The following CDH12 variants were observed in gnomAD, a reference collection of about 807,000 sequenced individuals.
The protein encoded by CDH12 is cadherin-12.
Under a neutral mutation model 74.1 loss-of-function variants are expected in CDH12, and 41 were observed. The ratio of observed to expected loss-of-function variants is 0.55; its 90% CI spans 0.43 to 0.72. CDH12 has a LOEUF of 0.72. CDH12 is among the 30% of genes least tolerant of loss of function. CDH12 has a pLI of 0.00. For synonymous variants in CDH12, 399 were observed against 355.0 expected, an observed-to-expected ratio of 1.12 and a Z score of -1.39; for missense variants, 945 against 977.2, an observed-to-expected ratio of 0.97 and a Z score of 0.44.
intron 4 of CDH12, among the ~76,000 whole-genome samples, chr5:22,133,500 A>G (rs1296541149): frequency 6.6e-6 from 1 of 152,128 alleles, no homozygotes; most frequent in Non-Finnish European, 1.5e-5. Flanking sequence ...ACTTAGACTC[A>G]TATTTGTAAT....
chr5:22,746,087 A>G, intron 1 of CDH12, among the ~76,000 whole-genome samples: 1 of 147,546 alleles, frequency 6.8e-6, no homozygotes, highest in African/African-American at 2.7e-5. Context: ...TGTCAATTGA[A>G]AAAAATATTT....
chr5:22,385,727 A>G (rs1360484095), intron 3 of CDH12, among the ~76,000 whole-genome samples: 1 of 152,074 alleles, frequency 6.6e-6, no homozygotes, highest in African/African-American at 2.4e-5. Flanking sequence ...GGTAATTTAT[A>G]AATAAAAGAT....
chr5:22,050,828 T>A (rs1302002841), intron 5 of CDH12, among the ~76,000 whole-genome samples: 1 of 152,180 alleles, frequency 6.6e-6, no homozygotes, highest in Non-Finnish European at 1.5e-5. Flanking sequence ...AACCATGATA[T>A]CAGCAAACAT....
intron 3 of CDH12, among the ~76,000 whole-genome samples, chr5:22,279,329 G>T (rs1027527889): frequency 6.6e-6 from 1 of 151,970 alleles, no homozygotes; most frequent in Non-Finnish European, 1.5e-5. Context: ...AATTATTTGT[G>T]GTCATTTCTG....
intron 11 of CDH12, chr5:21,779,517 C>T (rs1480735818): frequency 3.9e-5 from 6 of 152,144 alleles, no homozygotes; most frequent in Non-Finnish European, 5.9e-5. Flanking sequence ...AACAGCAAAG[C>T]AGTAATGCAT....
intron 1 of CDH12, among the ~76,000 whole-genome samples, chr5:22,668,376 T>C (rs1371426690): frequency 6.6e-6 from 1 of 152,230 alleles, no homozygotes; most frequent in African/African-American, 2.4e-5. Context: ...TTCTCTTTTT[T>C]TAAATCTCTT....
intron 2 of CDH12, among the ~76,000 whole-genome samples, chr5:22,417,415 A>G (rs1464390471): frequency 6.6e-6 from 1 of 152,180 alleles, no homozygotes; most frequent in African/African-American, 2.4e-5. Flanking sequence ...GGATGATTTC[A>G]GCCTCATCCA....
At chr5:22,156,063 T>C (rs1048291951) in intron 4 of CDH12, among the ~76,000 whole-genome samples, 21 of 152,152 alleles carry the variant, frequency 1.4e-4, no homozygotes, top group Admixed American at 1.4e-3. Flanking sequence ...CTTACTGATA[T>C]ATATATATAA....
intron 4 of CDH12, among the ~76,000 whole-genome samples, chr5:22,174,506 C>A (rs1452611403): frequency 6.6e-6 from 1 of 151,884 alleles, no homozygotes; most frequent in Non-Finnish European, 1.5e-5. Flanking sequence ...AACTAAACTG[C>A]AAGCCTAGAA....
intron 3 of CDH12, among the ~76,000 whole-genome samples, chr5:22,221,365 T>C (rs1184371625): frequency 6.6e-6 from 1 of 151,920 alleles, no homozygotes; most frequent in Non-Finnish European, 1.5e-5. Context: ...TTCCCTTAGA[T>C]AATTTTGAAG....
chr5:22,627,852 C>G (rs184182303), intron 1 of CDH12, among the ~76,000 whole-genome samples: 39 of 151,938 alleles, frequency 2.6e-4, no homozygotes, highest in Admixed American at 1.2e-3. Flanking sequence ...ATCTCACATG[C>G]AATTGACACC....
intron 1 of CDH12, among the ~76,000 whole-genome samples, chr5:22,819,125 T>C (rs1749539795): frequency 6.6e-6 from 1 of 152,150 alleles, no homozygotes; most frequent in African/African-American, 2.4e-5. Context: ...CCAATAACTA[T>C]GTGGTATGTA....
rs191285233 is a variant in CDH12, at chr5:21,804,383, A to C, written c.1003-1963T>G. On this transcript the variant is annotated intron_variant, in intron 9 of 14. Transcript: ENST00000382254. ...TGTTTTGTTGAAGAAATCAGACTCA[A>C]GAAAAGACAACTTATTGCAAGACTA... Among the ~76,000 whole-genome samples the C allele has an allele frequency of 2.7e-3, 411 of 152,270 alleles. 2 individuals are homozygous for C. The highest frequency in any genetic ancestry group is 9.1e-3 in the African/African-American group (377 of 41,574).
At chr5:22,354,824 C>G (rs1051747327) in intron 3 of CDH12, among the ~76,000 whole-genome samples, 12 of 152,090 alleles carry the variant, frequency 7.9e-5, no homozygotes, top group African/African-American at 2.9e-4. Flanking sequence ...GTAAAACAAA[C>G]AAGGAAAGGT....
intron 1 of CDH12, among the ~76,000 whole-genome samples, chr5:22,675,270 G>A (rs373736032): frequency 1.1e-4 from 17 of 152,150 alleles, no homozygotes; most frequent in Non-Finnish European, 1.8e-4. Flanking sequence ...AAGGGCCAAC[G>A]TATAGAGCTT....
chr5:22,078,438 G>A lies in CDH12; in HGVS notation c.231+8C>T, dbSNP rs1006756990. 5 of 1,611,764 alleles carry A rather than the reference G, an allele frequency of 3.1e-6. No individual in the cohort carries two copies. Among genetic ancestry groups the A allele is most frequent in the African/African-American group, 2.7e-5 (2 of 74,766 alleles). ...ATCAAGCGGTTGTCAAAAGAAATAC[G>A]CCATTACCTTTCCCACATACTGAGG... On this transcript the variant is annotated splice_region_variant and intron_variant, in intron 5 of 14. Transcript: ENST00000382254.
chr5:22,683,354 T>C (rs1580883877), intron 1 of CDH12, among the ~76,000 whole-genome samples: 2 of 152,160 alleles, frequency 1.3e-5, no homozygotes, highest in Non-Finnish European at 2.9e-5. Flanking sequence ...CCGGAGGAGA[T>C]TCAGGGTTAT....
intron 1 of CDH12, among the ~76,000 whole-genome samples, chr5:22,831,570 G>T (rs1430221214): frequency 2.0e-5 from 3 of 151,972 alleles, no homozygotes; most frequent in Non-Finnish European, 4.4e-5. Flanking sequence ...CAAAAACCAG[G>T]AAGACTAGGC....
chr5:22,305,422 C>T (rs1324884418), intron 3 of CDH12, among the ~76,000 whole-genome samples: 6 of 152,086 alleles, frequency 3.9e-5, no homozygotes, highest in South Asian at 2.1e-4. Context: ...TAAAAAGAAA[C>T]TACTCTCATC....
Sources: allele counts gnomAD v4.1 joint callset (sites outside exome capture counted in the v4.1 genomes callset), GRCh38; gene constraint gnomAD v4.1.1; transcripts MANE v1.5; gene names NCBI Gene and HGNC (gene_info 2026-07-23, HGNC 2026-07-21).